DEAF1: variants seen among roughly 807,000 people sequenced by gnomAD.
DEAF1 encodes the protein DEAF1 transcription factor, also known as deformed epidermal autoregulatory factor 1 homolog.
Under a neutral mutation model 58.9 loss-of-function variants are expected in DEAF1, and 53 were observed. That is an observed-to-expected ratio of 0.90 (90% CI 0.72 to 1.13). DEAF1 has a LOEUF of 1.13. Among genes scored for constraint, DEAF1 ranks in the 50% most tolerant of loss-of-function variants. The probability of loss-of-function intolerance (pLI) is 0.00; values close to 1 mark genes in which losing one functional copy is unlikely to be tolerated. For synonymous variants in DEAF1, 385 were observed against 340.4 expected (o/e 1.13, Z -1.44); for missense variants, 685 against 791.4 (o/e 0.87, Z 1.61).
chr11:701,146 C>T (rs140170374), intron 1 of DEAF1: 60 of 205,336 alleles, frequency 2.9e-4, no homozygotes, highest in African/African-American at 1.2e-3. Flanking sequence ...CTCCCCACTC[C>T]AGCTCTAGGG....
rs1860834886 is a variant in DEAF1 at position 691,544 on chromosome 11, G to C, written c.344C>G (p.Thr115Ser). 5 of 1,613,600 alleles carry C rather than the reference G, an allele frequency of 3.1e-6. No individual in the cohort carries two copies. Among genetic ancestry groups the C allele is most frequent in the Non-Finnish European group, 4.2e-6 (5 of 1,180,022 alleles). ...NVGAAADNVFTTSVANAASIS... is the reference protein window; with the variant it reads ...NVGAAADNVFSTSVANAASIS... ...GGATGCCGCGTTCGCCACAGACGTG[G>C]TGAAGACATTGTCTGCAGCAGCCCC... The change falls in exon 2 of 12, where the codon ACC (threonine) becomes AGC (serine). Residue 115 changes from threonine to serine, a missense_variant. By Grantham distance (58) the Thr-to-Ser change is moderately conservative (BLOSUM62 1). Coordinates refer to ENST00000382409, the MANE Select transcript of DEAF1 (RefSeq NM_021008.4).
chr11:692,661 T>G (rs1270643784), intron 1 of DEAF1, among the ~76,000 whole-genome samples: 1 of 152,034 alleles, frequency 6.6e-6, no homozygotes, highest in African/African-American at 2.4e-5. Flanking sequence ...GAGACCAGCC[T>G]GACCAACATA....
Position 679,725 on chromosome 11 carries a change from C to T in DEAF1, c.1089G>A (p.Glu363=), listed in dbSNP as rs1191831912. 1.9e-6 allele frequency: 3 copies of T among 1,613,618 alleles called. No homozygotes were observed. In the African/African-American group the frequency reaches 4.0e-5, roughly 22 times the overall value. ...STVEATAVIS[E]SPAQGDVFAG... is the part of the protein sequence containing the mutation. ...CGAAGACGTCGCCCTGGGCCGGACT[C>T]TCTGATATGACAGCAGTGGCCTCTA... is the stretch of plus-strand genomic sequence containing the variant. Residue 363 remains glutamate (E), a synonymous_variant, in exon 8 of 12, where the codon GAG becomes GAA. Coordinates refer to ENST00000382409, the MANE Select transcript of DEAF1 (RefSeq NM_021008.4).
At chr11:650,196 G>T (rs11246237) in intron 11 of DEAF1, among the ~76,000 whole-genome samples, 1 of 151,668 alleles carries the variant, frequency 6.6e-6, no homozygotes, top group African/African-American at 2.4e-5. Context: ...CCAACATGGT[G>T]AAACCCGTCT....
In DEAF1 at chr11:686,759, G is replaced by A. The variant is rs1346135265; in HGVS notation, c.804+99C>T. On this transcript the variant is annotated intron_variant, in intron 5 of 11. Transcript: ENST00000382409. ...CAGGTGGAGGCTGCAAACCCCATTTGTCTGACCCCGTGGTCTGTGCCCTCC... is the reference window on the plus strand; with the variant it reads ...CAGGTGGAGGCTGCAAACCCCATTTATCTGACCCCGTGGTCTGTGCCCTCC... 2.0e-6 allele frequency: 3 copies of A among 1,536,524 alleles called. No individual in the cohort carries two copies. In the African/African-American group the frequency reaches 4.1e-5, roughly 21 times the overall value.
intron 11 of DEAF1, among the ~76,000 whole-genome samples, chr11:645,615 G>A (rs769054235): frequency 2.6e-5 from 4 of 152,104 alleles, no homozygotes; most frequent in African/African-American, 4.8e-5. Context: ...ACTGCGCCCC[G>A]CCCCAGTTCT....
chr11:676,422 C>T (rs1281400484), intron 9 of DEAF1, among the ~76,000 whole-genome samples: 1 of 150,234 alleles, frequency 6.7e-6, no homozygotes, highest in East Asian at 2.0e-4. Context: ...TCCCTTCCTG[C>T]TCCACCCACC....
upstream of DEAF1, chr11:695,421 C>G (rs1214171681): frequency 7.0e-6 from 3 of 429,724 alleles, no homozygotes; most frequent in Non-Finnish European, 1.2e-5. Flanking sequence ...ACTGTCCTGA[C>G]AGGCTGAGGC....
At chr11:701,557 C>G (rs543396570) in intron 1 of DEAF1, among the ~76,000 whole-genome samples, 1 of 152,108 alleles carries the variant, frequency 6.6e-6, no homozygotes, top group Admixed American at 6.5e-5. Flanking sequence ...ACTACAGGTG[C>G]CCGCCACCAC....
intron 10 of DEAF1, among the ~76,000 whole-genome samples, chr11:660,234 A>C (rs1023700324): frequency 1.3e-5 from 2 of 152,244 alleles, no homozygotes; most frequent in Non-Finnish European, 2.9e-5. Context: ...ACGTAAAGAG[A>C]TCAAAGGATT....
intron 11 of DEAF1, chr11:646,314 T>C (rs1017282297): frequency 6.7e-6 from 1 of 148,306 alleles, no homozygotes; most frequent in Admixed American, 6.7e-5. Context: ...CTACATAGCA[T>C]GAAAGCACAT....
chr11:679,625 G>A, intron 8 of DEAF1, 63 bp downstream of exon 8: 2 of 1,601,210 alleles, frequency 1.2e-6, no homozygotes, highest in Admixed American at 1.7e-5. Context: ...GTGGCGTCGG[G>A]GATGTGATGT....
At chr11:691,767 T>C (rs1860845699) in intron 1 of DEAF1, among the ~76,000 whole-genome samples, 169 bp from the exon 2 acceptor site, 1 of 152,150 alleles carries the variant, frequency 6.6e-6, no homozygotes, top group African/African-American at 2.4e-5. Flanking sequence ...TTCTATTCCA[T>C]TGTCTAAGTC....
intron 1 of DEAF1, chr11:703,754 C>T: frequency 8.1e-7 from 1 of 1,232,920 alleles, no homozygotes; most frequent in East Asian, 3.2e-5. Flanking sequence ...AAGCCAACAG[C>T]TCTGCTGCCT....
chr11:653,793 T>C, intron 11 of DEAF1, 169 bp downstream of exon 11: 1 of 682,670 alleles, frequency 1.5e-6, no homozygotes, highest in Non-Finnish European at 2.6e-6. Flanking sequence ...CATGTGAGCC[T>C]TCTGCAGGGT....
At chr11:690,819 T>A (rs868023846) in intron 2 of DEAF1, among the ~76,000 whole-genome samples, 6 of 152,164 alleles carry the variant, frequency 3.9e-5, no homozygotes, top group African/African-American at 1.4e-4. Flanking sequence ...TGACCAAGGC[T>A]GAAAAGACTA....
chr11:661,472 G>C (rs954507966), intron 10 of DEAF1, among the ~76,000 whole-genome samples: 1 of 152,050 alleles, frequency 6.6e-6, no homozygotes, highest in Non-Finnish European at 1.5e-5. Flanking sequence ...CACTTTGGAA[G>C]GCCGAGACAG....
rs765107306 is a variant in DEAF1, at chr11:644,640, G to A, written c.1608C>T (p.His536=). ...CTGCTGACTGGCCGCATATGTGCTG[G>A]TGATCCTTCCAGTCCTGGAAGGGAG... The part of the protein sequence containing the change: ...TFCQRKDWKD[H]QHICGQSAAV... Residue 536 remains histidine (H), a synonymous_variant, in exon 12 of 12, where the codon CAC becomes CAT. Transcript: ENST00000382409. This position sits in a 1 kb window ranked among gnomAD's most constrained non-coding sequence, Gnocchi z 4.3. The A allele has an allele frequency of 1.2e-6, 2 of 1,611,260 alleles. No homozygotes were observed. The highest frequency in any genetic ancestry group is 1.1e-5 in the South Asian group (1 of 90,732).
At chr11:703,818 C>T in intron 1 of DEAF1, 1 of 1,233,714 alleles carries the variant, frequency 8.1e-7, no homozygotes, top group South Asian at 4.1e-5. Flanking sequence ...GAGGAGAGGT[C>T]AGGGCTAAGG....
Sources: gnomAD v4.1 joint callset for allele counts (sites outside exome capture counted in the v4.1 genomes callset) on GRCh38, gnomAD v4.1.1 for gene constraint, Gnocchi (gnomAD v3.1) non-coding constraint, MANE v1.5 for transcripts, NCBI Gene and HGNC (gene_info 2026-07-23, HGNC 2026-07-21) for gene names.